SVIL: variants seen among roughly 807,000 people sequenced by gnomAD.
The protein encoded by SVIL is archvillin.
In SVIL, 101 loss-of-function variants were observed where a neutral mutation model predicts 240.4. The ratio of observed to expected loss-of-function variants is 0.42; its 90% CI spans 0.36 to 0.50. The LOEUF is 0.50. Ranked by LOEUF, SVIL falls within the 20% of genes least tolerant of loss-of-function variation. SVIL has a pLI of 0.01. For missense variants in SVIL, 2,512 were observed against 2,818.7 expected, an observed-to-expected ratio of 0.89 and a Z score of 2.46; for synonymous variants, 999 against 1,100.0, an observed-to-expected ratio of 0.91 and a Z score of 1.82.
intron 32 of SVIL, among the ~76,000 whole-genome samples, chr10:29,468,121 C>A (rs564236936): frequency 6.6e-6 from 1 of 152,332 alleles, no homozygotes; most frequent in Admixed American, 6.5e-5. Context: ...AGCAGTCACT[C>A]CGCATTTCCC....
chr10:29,679,502 GA>G, intron 2 of SVIL, among the ~76,000 whole-genome samples: 1 of 151,454 alleles, frequency 6.6e-6, no homozygotes, highest in Non-Finnish European at 1.5e-5. Flanking sequence ...GTACAGATTG[GA>G]AAGTCTGAAG....
At position 29,555,564 on chromosome 10, in the gene SVIL, C is replaced by T. The variant is rs1046922088; in HGVS notation, c.-50-456G>A. ...TTGTAACACCTAGCTATGTGACTCA[C>T]GTATATGTCACATATATAGGTTGGC... On this transcript the variant is annotated intron_variant, in intron 3 of 37. Transcript: ENST00000355867. 5.3e-5 allele frequency among the ~76,000 whole-genome samples: 8 copies of T among 152,194 alleles called. No individual in the cohort carries two copies. The East Asian group carries it at 7.7e-4, about 15-fold the overall frequency.
intron 6 of SVIL, among the ~76,000 whole-genome samples, chr10:29,543,946 A>G (rs1227871088): frequency 6.6e-6 from 1 of 152,202 alleles, no homozygotes; most frequent in Non-Finnish European, 1.5e-5. Context: ...TGTGTGTATC[A>G]GAACTGTTTT....
chr10:29,612,059 T>C (rs1403124945), intron 1 of SVIL, among the ~76,000 whole-genome samples: 1 of 152,086 alleles, frequency 6.6e-6, no homozygotes, highest in Non-Finnish European at 1.5e-5. Context: ...GTAGCTCAGA[T>C]GTTGGCAGGA....
Position 29,465,646 on chromosome 10 carries a change from C to T in SVIL, c.6082G>A (p.Val2028Ile). 3.1e-6 allele frequency: 5 copies of T among 1,613,896 alleles called. No homozygotes were observed. Among genetic ancestry groups the T allele is most frequent in the Non-Finnish European group, 4.2e-6 (5 of 1,180,008 alleles). Residue 2028 changes from valine to isoleucine, a missense_variant, in exon 34 of 38, where the codon GTC becomes ATC. Physicochemically the swap from Val to Ile is conservative, Grantham distance 29. Around this residue, in one of 3 missense-constraint regions of SVIL, gnomAD observed 797 missense variants for 925.3 expected, o/e 0.86. Transcript: ENST00000355867. ...FVYPARAPSV[V>I]SSMPFLQEDL... ...TCCTGCAGGAAGGGCATGGAACTGA[C>T]CACAGAGGGGGCTCGGGCAGGGTAC... is the stretch of plus-strand genomic sequence containing the variant.
rs375051073 is a variant in SVIL at position 29,480,595 on chromosome 10, C to T, written c.5319G>A (p.Gly1773=). The T allele has an allele frequency of 4.2e-5, 68 of 1,613,984 alleles. No individual in the cohort carries two copies. The highest frequency in any genetic ancestry group is 5.5e-5 in the Non-Finnish European group (65 of 1,180,046). Residue 1773 remains glycine (G), a synonymous_variant, in exon 29 of 38, where the codon GGG becomes GGA. Coordinates refer to ENST00000355867, the MANE Select transcript of SVIL (RefSeq NM_021738.3). ...CATAGGCATCCCCCTCATGGAACTG[C>T]CCGATGCTTTGTTTGGGGAGCCTGC... The part of the protein sequence containing the change: ...DYSRLPKQSI[G]QFHEGDAYVV...
At chr10:29,615,089 C>T (rs966962233) in intron 1 of SVIL, among the ~76,000 whole-genome samples, 2 of 152,262 alleles carry the variant, frequency 1.3e-5, no homozygotes, top group South Asian at 2.1e-4. Flanking sequence ...ACACTAGTAG[C>T]TTCAGCGGCC....
At chr10:29,535,840 G>A (rs1050022133) in intron 7 of SVIL, 149 bp downstream of exon 7, 2 of 735,650 alleles carry the variant, frequency 2.7e-6, no homozygotes, top group African/African-American at 1.8e-5. Flanking sequence ...GAGGGGAAAA[G>A]CAAATGATTA....
chr10:29,573,146 G>A (rs1955525800), intron 1 of SVIL, among the ~76,000 whole-genome samples: 1 of 151,762 alleles, frequency 6.6e-6, no homozygotes, highest in African/African-American at 2.4e-5. Flanking sequence ...GGGTATATGG[G>A]TCCCATCACC....
chr10:29,523,458 T>C lies in SVIL; in HGVS notation c.3156A>G (p.Ser1052=), dbSNP rs1950693033. ...EVENVMKRKF[S]LRAAEFGEPT... Reference sequence around the variant, plus strand: ...GGGGCACTGGTCACTTACCTCTTAGTGAAAACTTCCTTTTCATAACATTCT... The same window carrying C: ...GGGGCACTGGTCACTTACCTCTTAGCGAAAACTTCCTTTTCATAACATTCT... The change falls in exon 15 of 38, where the codon TCA becomes TCG. Residue 1052 remains serine, a synonymous_variant. Coordinates refer to ENST00000355867, the MANE Select transcript of SVIL (RefSeq NM_021738.3). The C allele has an allele frequency of 6.3e-7, 1 of 1,597,994 alleles. No homozygotes were observed. The highest frequency in any genetic ancestry group is 8.5e-7 in the Non-Finnish European group (1 of 1,172,074).
chr10:29,574,855 T>C (rs1325810115), intron 1 of SVIL, among the ~76,000 whole-genome samples: 2 of 152,242 alleles, frequency 1.3e-5, no homozygotes, highest in African/African-American at 4.8e-5. Context: ...ATAAACCTTA[T>C]GATTTCTAGG....
At chr10:29,728,933 G>A (rs1194197759) in intron 1 of SVIL, among the ~76,000 whole-genome samples, 2 of 152,158 alleles carry the variant, frequency 1.3e-5, no homozygotes, top group African/African-American at 2.4e-5. Flanking sequence ...AGGTGGCTGG[G>A]CGACAGCAAC....
At chr10:29,695,862 C>A in intron 1 of SVIL, among the ~76,000 whole-genome samples, 1 of 61,012 alleles carries the variant, frequency 1.6e-5, no homozygotes, top group Admixed American at 1.6e-4. Flanking sequence ...TCTCCCTCTC[C>A]CGTCTCCCTC....
chr10:29,727,665 T>C (rs1037949181), intron 1 of SVIL, among the ~76,000 whole-genome samples: 1 of 151,766 alleles, frequency 6.6e-6, no homozygotes, highest in African/African-American at 2.4e-5. Flanking sequence ...TACCAGACTA[T>C]TTCGGCATGG....
intron 17 of SVIL, chr10:29,507,597 CCA>C (rs60592993): frequency 0.099 from 16,505 of 166,212 alleles, 830 homozygotes; most frequent in African/African-American, 0.14. Context: ...AATTGTACTG[CCA>C]CACACACACA....
At chr10:29,467,006 G>GT (rs1206142035) in intron 33 of SVIL, among the ~76,000 whole-genome samples, 1 of 152,078 alleles carries the variant, frequency 6.6e-6, no homozygotes, top group African/African-American at 2.4e-5. Flanking sequence ...GTATGCCTCA[G>GT]TTTCCTCATC....
rs190280511 is a variant in SVIL at position 29,604,948 on chromosome 10, A to G, written c.-201+29472T>C. ...AACAGTATATACAGGATTAGGTTCTATCTGCGATTTCAGGAATCCACTGAG... is the reference window on the plus strand; with the variant it reads ...AACAGTATATACAGGATTAGGTTCTGTCTGCGATTTCAGGAATCCACTGAG... On this transcript the variant is annotated intron_variant, in intron 1 of 37. Transcript: ENST00000355867. Among the ~76,000 whole-genome samples, 258 of 152,334 alleles carry G rather than the reference A, an allele frequency of 1.7e-3. 3 individuals carry two copies. Among genetic ancestry groups the G allele is most frequent in the Non-Finnish European group, 2.5e-3 (170 of 68,032 alleles).
Position 29,607,482 on chromosome 10 carries a change from C to T in SVIL, c.-201+26938G>A, listed in dbSNP as rs373082581. On this transcript the variant is annotated intron_variant, in intron 1 of 37. Coordinates refer to ENST00000355867, the MANE Select transcript of SVIL (RefSeq NM_021738.3). ...TTGATATATTTAGAACCTCAAACTT[C>T]CCTAATTTAGAACATGATTTTTTTT... 4.8e-4 allele frequency among the ~76,000 whole-genome samples: 73 copies of T among 151,590 alleles called. No homozygotes were observed. In the South Asian group the frequency reaches 9.2e-3, roughly 19 times the overall value.
chr10:29,509,355 GAGA>G lies in SVIL; in HGVS notation c.3516+3377_3516+3379del, dbSNP rs1446872805. Among the ~76,000 whole-genome samples the G allele has an allele frequency of 2.5e-4, 30 of 119,224 alleles. 1 individual carries two copies. Among genetic ancestry groups the G allele is most frequent in the Non-Finnish European group, 4.7e-4 (25 of 53,508 alleles). The allele number at this position is 119,224 out of a possible 152,430, so 78.2% of individuals were successfully genotyped here. Reference sequence around the variant, plus strand: ...GGAGAGAGAGAGAGAGAGAGAGAGAGAGAGAGAGAGAGAGAGAGAGAGAGAATA... The same window carrying G: ...GGAGAGAGAGAGAGAGAGAGAGAGAGGAGAGAGAGAGAGAGAGAGAGAATA... On this transcript the variant is annotated intron_variant, in intron 17 of 37. Transcript: ENST00000355867.
Sources: allele counts gnomAD v4.1 joint callset (sites outside exome capture counted in the v4.1 genomes callset), GRCh38; gene constraint gnomAD v4.1.1; regional missense constraint gnomAD v4.1.1; transcripts MANE v1.5; gene names NCBI Gene and HGNC (gene_info 2026-07-23, HGNC 2026-07-21).